The following SRGAP3 variants were observed in gnomAD, a reference collection of about 807,000 sequenced individuals.
SRGAP3 encodes the protein SLIT-ROBO Rho GTPase activating protein 3.
A neutral mutation model predicts 121.1 loss-of-function variants in SRGAP3; 39 were observed. The observed-to-expected ratio is 0.32, with a 90% confidence interval of 0.25 to 0.42. The LOEUF is 0.42. Ranked by LOEUF, SRGAP3 falls within the 10% of genes least tolerant of loss-of-function variation. SRGAP3 has a pLI of 1.00. For missense variants in SRGAP3, 1,213 were observed against 1,470.6 expected, an observed-to-expected ratio of 0.82 and a Z score of 2.86; for synonymous variants, 601 against 570.0, an observed-to-expected ratio of 1.05 and a Z score of -0.77.
At chr3:9,086,583 G>C (rs538347795) in intron 3 of SRGAP3, among the ~76,000 whole-genome samples, 162 of 147,864 alleles carry the variant, frequency 1.1e-3, no homozygotes, top group Non-Finnish European at 1.9e-3. Context: ...GTATATGTGT[G>C]TGTGTATATA....
chr3:9,033,526 C>G (rs553803408), intron 11 of SRGAP3: 2 of 152,452 alleles, frequency 1.3e-5, no homozygotes, highest in Non-Finnish European at 2.9e-5. Flanking sequence ...CAGGTTCAAG[C>G]GATTCTCCTG....
intron 1 of SRGAP3, among the ~76,000 whole-genome samples, chr3:9,342,123 G>A (rs1207285558): frequency 6.6e-6 from 1 of 152,186 alleles, no homozygotes; most frequent in African/African-American, 2.4e-5. Context: ...AGCCGAGGCA[G>A]GCGAATCACC....
chr3:9,152,841 C>T (rs1035870468), intron 1 of SRGAP3, among the ~76,000 whole-genome samples: 4 of 134,266 alleles, frequency 3.0e-5, no homozygotes, highest in South Asian at 2.6e-4. Flanking sequence ...CCCACATCCA[C>T]GACTGATCAA....
intron 1 of SRGAP3, among the ~76,000 whole-genome samples, chr3:9,152,964 G>A (rs1219761563): frequency 6.6e-6 from 1 of 152,150 alleles, no homozygotes; most frequent in Non-Finnish European, 1.5e-5. Flanking sequence ...TTCTCGCTCT[G>A]CCCAGTCCTG....
intron 3 of SRGAP3, among the ~76,000 whole-genome samples, chr3:9,262,505 G>A (rs975742544): frequency 1.9e-5 from 2 of 105,046 alleles, no homozygotes; most frequent in Non-Finnish European, 4.1e-5. Context: ...ATAAAGGGAT[G>A]GAGGAAGATT....
chr3:9,171,990 T>C (rs1480721497), intron 1 of SRGAP3, among the ~76,000 whole-genome samples: 2 of 152,230 alleles, frequency 1.3e-5, no homozygotes, highest in East Asian at 1.9e-4. Flanking sequence ...TCTGGATTCA[T>C]GCTCCCATGG....
intron 1 of SRGAP3, among the ~76,000 whole-genome samples, chr3:9,229,068 CA>C (rs61231273): frequency 0.16 from 12,134 of 73,890 alleles, 345 homozygotes; most frequent in South Asian, 0.25. Context: ...GACTCCGTCT[CA>C]AAAAAAAAAA....
At chr3:9,112,307 C>T (rs1280279452) in intron 2 of SRGAP3, among the ~76,000 whole-genome samples, 2 of 152,190 alleles carry the variant, frequency 1.3e-5, no homozygotes, top group East Asian at 1.9e-4. Flanking sequence ...AATGCTAACT[C>T]AATCAGTTCT....
At chr3:9,287,294 A>T (rs1422660022) in intron 3 of SRGAP3, among the ~76,000 whole-genome samples, 10 of 152,092 alleles carry the variant, frequency 6.6e-5, no homozygotes, top group Non-Finnish European at 2.9e-5. Context: ...ACCCCAGCAC[A>T]TTAACACTCT....
chr3:9,113,425 A>G (rs1332155077), intron 2 of SRGAP3, among the ~76,000 whole-genome samples: 1 of 151,980 alleles, frequency 6.6e-6, no homozygotes, highest in African/African-American at 2.4e-5. Flanking sequence ...TCTGTGCCCA[A>G]AGTTCCTTTT....
At position 9,194,770 on chromosome 3, in the gene SRGAP3, T is replaced by C. The variant is rs540426319; in HGVS notation, c.67+54115A>G. The stretch of plus-strand genomic sequence containing the variant: ...CTCCAATAAAAACCTAATGACAGGA[T>C]GCCACAAGTCAGGACGTGAATAAAA... On this transcript the variant is annotated intron_variant, in intron 1 of 21. Coordinates refer to ENST00000383836, the MANE Select transcript of SRGAP3 (RefSeq NM_014850.4). Among the ~76,000 whole-genome samples the C allele has an allele frequency of 2.6e-5, 4 of 152,302 alleles. No homozygotes were observed. In the South Asian group the frequency reaches 8.3e-4, roughly 32 times the overall value.
chr3:9,073,807 A>C (rs1946832343), intron 4 of SRGAP3, among the ~76,000 whole-genome samples: 1 of 152,244 alleles, frequency 6.6e-6, no homozygotes, highest in Non-Finnish European at 1.5e-5. Flanking sequence ...TAGTAAGTAC[A>C]GTTGTCACCA....
rs778829211 is a variant in SRGAP3 at position 8,992,919 on chromosome 3, C to G, written c.2545G>C (p.Gly849Arg). 6.2e-7 allele frequency: 1 copy of G among 1,614,210 alleles called. No individual in the cohort carries two copies. Among genetic ancestry groups the G allele is most frequent in the East Asian group, 2.2e-5 (1 of 44,870 alleles). The change falls in exon 20 of 22, where the codon GGG (glycine) becomes CGG (arginine). Residue 849 changes from glycine (G) to arginine (R), a missense_variant. This residue lies in a region of SRGAP3 where 420 missense variants were observed against 437.7 expected (regional missense o/e 0.96). Coordinates refer to ENST00000383836, the MANE Select transcript of SRGAP3 (RefSeq NM_014850.4). ...CGCATATCCTACCGGCCCATCACCCCCCCAAAGCCGTAATCCGAGATGTGC... is the reference window on the plus strand; with the variant it reads ...CGCATATCCTACCGGCCCATCACCCGCCCAAAGCCGTAATCCGAGATGTGC... ...TEHISDYGFGGVMGRVRLRSD... is the reference protein window; with the variant it reads ...TEHISDYGFGRVMGRVRLRSD...
intron 1 of SRGAP3, among the ~76,000 whole-genome samples, chr3:9,342,307 C>A (rs778160564): frequency 7.9e-5 from 12 of 151,048 alleles, no homozygotes; most frequent in Non-Finnish European, 1.5e-4. Context: ...GCTGAGATTG[C>A]GCCACTGTAC....
Position 9,058,414 on chromosome 3 carries a change from G to T in SRGAP3, c.860C>A (p.Ala287Asp). Residue 287 changes from alanine to aspartate, a missense_variant, in exon 7 of 22, where the codon GCT (alanine) becomes GAT (aspartate). Physicochemically the swap from Ala to Asp is moderately radical, Grantham distance 126. Around this residue, in one of 2 missense-constraint regions of SRGAP3, gnomAD observed 793 missense variants for 1,032.9 expected, o/e 0.77. Transcript: ENST00000383836. Reference protein sequence around the residue: ...LARTFRTYLSAEYNLETSRHE... With the variant: ...LARTFRTYLSDEYNLETSRHE... ...GCGAGAGGTCTCCAGGTTGTATTCA[G>T]CTGAGAGATAGGTCCGGAAGGTGCG... 1 of 1,614,246 alleles carries T rather than the reference G, an allele frequency of 6.2e-7. No homozygotes were observed. Among genetic ancestry groups the T allele is most frequent in the South Asian group, 1.1e-5 (1 of 91,088 alleles).
intron 1 of SRGAP3, among the ~76,000 whole-genome samples, chr3:9,167,191 G>T (rs777148385): frequency 6.6e-6 from 1 of 152,094 alleles, no homozygotes; most frequent in Non-Finnish European, 1.5e-5. Flanking sequence ...AGGGCTGAGG[G>T]TGGTCCTGCA....
rs547173092 is a variant in SRGAP3, at chr3:9,313,590, T to A, written n.442+12420A>T. Among the ~76,000 whole-genome samples the A allele has an allele frequency of 3.3e-5, 5 of 151,736 alleles. No individual in the cohort carries two copies. In the East Asian group the frequency reaches 7.8e-4, roughly 24 times the overall value. On this transcript the variant is annotated intron_variant and non_coding_transcript_variant, in intron 3 of 3. Transcript: ENST00000490889. ...TACTTAAGAGACTGAGGCAGGAGAATTGCTTGAACCTGGGAGGCAGAGGTT... is the reference window on the plus strand; with the variant it reads ...TACTTAAGAGACTGAGGCAGGAGAAATGCTTGAACCTGGGAGGCAGAGGTT...
intron 13 of SRGAP3, among the ~76,000 whole-genome samples, chr3:9,026,692 C>T (rs531640742): frequency 2.0e-5 from 3 of 152,204 alleles, no homozygotes; most frequent in Non-Finnish European, 4.4e-5. Flanking sequence ...TTCTCTTGTC[C>T]ATGCCCTTTC....
At chr3:9,001,334 A>G (rs576099513) in intron 18 of SRGAP3, among the ~76,000 whole-genome samples, 21 of 152,262 alleles carry the variant, frequency 1.4e-4, no homozygotes, top group Non-Finnish European at 2.8e-4. Context: ...ATGTATTGCA[A>G]TATCACATTG....
Sources: gnomAD v4.1 joint callset for allele counts (sites outside exome capture counted in the v4.1 genomes callset) on GRCh38, gnomAD v4.1.1 for gene constraint, gnomAD v4.1.1 regional missense constraint, MANE v1.5 for transcripts, NCBI Gene and HGNC (gene_info 2026-07-23, HGNC 2026-07-21) for gene names.